Variants in TTC7B observed in about 807,000 individuals in gnomAD.
TTC7B encodes the protein tetratricopeptide repeat domain 7B, also known as tetratricopeptide repeat protein 7B.
A neutral mutation model predicts 106.8 loss-of-function variants in TTC7B; 28 were observed. That is an observed-to-expected ratio of 0.26 (90% CI 0.19 to 0.36). The LOEUF (loss-of-function observed/expected upper bound fraction) is 0.36. Ranked by LOEUF, TTC7B falls within the 10% of genes least tolerant of loss-of-function variation. The probability of loss-of-function intolerance (pLI) is 1.00; values close to 1 mark genes in which losing one functional copy is unlikely to be tolerated. For missense variants in TTC7B, 862 were observed against 1,076.4 expected, an observed-to-expected ratio of 0.80 and a Z score of 2.79; for synonymous variants, 405 against 430.6, an observed-to-expected ratio of 0.94 and a Z score of 0.74.
At chr14:90,766,683 C>T (rs1890691284) in intron 3 of TTC7B, 2 of 1,374,056 alleles carry the variant, frequency 1.5e-6, no homozygotes. Context: ...CAGACATTGA[C>T]TGCACCAAGA....
chr14:90,615,773 C>G (rs556241896), intron 16 of TTC7B, among the ~76,000 whole-genome samples: 26 of 152,280 alleles, frequency 1.7e-4, no homozygotes, highest in African/African-American at 6.3e-4. Flanking sequence ...CAGAGAAAAT[C>G]AAGTTAAAAA....
intron 13 of TTC7B, 75 bp from the exon 14 acceptor site, chr14:90,647,098 C>T: frequency 7.8e-7 from 1 of 1,284,516 alleles, no homozygotes; most frequent in Non-Finnish European, 1.1e-6. Flanking sequence ...CAAGTCTTCT[C>T]CACATTTGCA....
rs917547749 is a variant in TTC7B at position 90,674,936 on chromosome 14, G to A, written c.1152+1587C>T. Among the ~76,000 whole-genome samples, 8 of 152,194 alleles carry A rather than the reference G, an allele frequency of 5.3e-5. No homozygotes were observed. The South Asian group carries it at 6.2e-4, about 12-fold the overall frequency. The stretch of plus-strand genomic sequence containing the variant: ...CATTTGGGAGGCAGGTGACCACCAC[G>A]AGGTGGGAGCTACATATGATATCAA... On this transcript the variant is annotated intron_variant, in intron 9 of 19. Coordinates refer to ENST00000328459, the MANE Select transcript of TTC7B (RefSeq NM_001010854.2).
chr14:90,572,426 A>G (rs1218600570), intron 19 of TTC7B, among the ~76,000 whole-genome samples: 1 of 152,124 alleles, frequency 6.6e-6, no homozygotes, highest in Non-Finnish European at 1.5e-5. Flanking sequence ...TCCCAAACCT[A>G]CCATCAATCT....
chr14:90,555,061 C>T (rs1003520960), intron 19 of TTC7B, among the ~76,000 whole-genome samples: 10 of 152,172 alleles, frequency 6.6e-5, no homozygotes, highest in African/African-American at 9.7e-5. Context: ...GCCAGGTAGA[C>T]GTCAGGTGTC....
chr14:90,754,711 T>A (rs1165774475), intron 3 of TTC7B, among the ~76,000 whole-genome samples: 3 of 152,102 alleles, frequency 2.0e-5, no homozygotes, highest in African/African-American at 7.2e-5. Context: ...AAAAGCCCCA[T>A]CTCTATCAGC....
intron 14 of TTC7B, chr14:90,646,625 A>G: frequency 4.0e-6 from 1 of 252,800 alleles, no homozygotes; most frequent in Non-Finnish European, 7.9e-6. Flanking sequence ...CCTGTTGGCA[A>G]GGGACAGAGG....
intron 13 of TTC7B, among the ~76,000 whole-genome samples, chr14:90,652,488 T>TA (rs11397777): frequency 0.31 from 43,763 of 143,268 alleles, 6,726 homozygotes; most frequent in Admixed American, 0.32. Flanking sequence ...ATGTTTTTTT[T>TA]AAAAAAAAAA....
intron 4 of TTC7B, among the ~76,000 whole-genome samples, chr14:90,732,953 C>T (rs1259740268): frequency 6.6e-6 from 1 of 152,158 alleles, no homozygotes; most frequent in African/African-American, 2.4e-5. Context: ...AGCATCCTTT[C>T]CTATTCCTTC....
intron 15 of TTC7B, among the ~76,000 whole-genome samples, chr14:90,625,951 C>T (rs910900220): frequency 6.6e-6 from 1 of 152,198 alleles, no homozygotes; most frequent in Non-Finnish European, 1.5e-5. Context: ...TACTTTGCTA[C>T]TCAGAGTGTG....
At chr14:90,607,395 T>G (rs1372356947) in intron 17 of TTC7B, among the ~76,000 whole-genome samples, 4 of 152,264 alleles carry the variant, frequency 2.6e-5, no homozygotes, top group Non-Finnish European at 2.9e-5. Context: ...CTGTGCCCTT[T>G]AAAGGGGACT....
chr14:90,711,207 G>GTATAAA (rs1888431295), intron 5 of TTC7B, among the ~76,000 whole-genome samples: 2 of 152,086 alleles, frequency 1.3e-5, no homozygotes, highest in South Asian at 4.1e-4. Context: ...ATAAAAGACT[G>GTATAAA]TATAAATATT....
intron 18 of TTC7B, among the ~76,000 whole-genome samples, chr14:90,592,460 G>A (rs1345907938): frequency 2.6e-4 from 40 of 152,334 alleles, no homozygotes; most frequent in Non-Finnish European, 2.9e-5. Flanking sequence ...TGTAATCCCA[G>A]CAATTTGGGA....
At chr14:90,605,612 G>A (rs1223197145) in intron 17 of TTC7B, 17 of 1,284,492 alleles carry the variant, frequency 1.3e-5, no homozygotes, top group African/African-American at 3.1e-5. Flanking sequence ...GAGGGTTCCC[G>A]GCGGGGACCT....
chr14:90,792,723 G>C (rs1891629877), intron 1 of TTC7B, among the ~76,000 whole-genome samples: 1 of 152,094 alleles, frequency 6.6e-6, no homozygotes, highest in African/African-American at 2.4e-5. Context: ...CACAATACAG[G>C]CTCTAATGAA....
intron 9 of TTC7B, among the ~76,000 whole-genome samples, chr14:90,665,786 A>C (rs920073275): frequency 4.6e-5 from 7 of 152,242 alleles, no homozygotes; most frequent in South Asian, 2.1e-4. Context: ...TATGACATAG[A>C]TCCTTCAGTT....
rs1595233509 is a variant in TTC7B at position 90,639,817 on chromosome 14, C to CA, written c.1751+4230dup. 2.0e-5 allele frequency among the ~76,000 whole-genome samples: 3 copies of CA among 152,126 alleles called. No homozygotes were observed. In the East Asian group the frequency reaches 5.8e-4, roughly 29 times the overall value. On this transcript the variant is annotated intron_variant, in intron 15 of 19. Transcript: ENST00000328459. Reference sequence around the variant, plus strand: ...GTAAGGAAATCTTAGTGCATTTACACAATAAATACTATTCATTCATGCAAA... The same window carrying CA: ...GTAAGGAAATCTTAGTGCATTTACACAAATAAATACTATTCATTCATGCAAA...
At chr14:90,730,682 C>G (rs1166058802) in intron 4 of TTC7B, among the ~76,000 whole-genome samples, 1 of 152,142 alleles carries the variant, frequency 6.6e-6, no homozygotes, top group Non-Finnish European at 1.5e-5. Context: ...CTGGAATCAA[C>G]CAGAAAAAGG....
At chr14:90,762,393 C>A (rs1304816482) in intron 3 of TTC7B, among the ~76,000 whole-genome samples, 1 of 152,256 alleles carries the variant, frequency 6.6e-6, no homozygotes, top group African/African-American at 2.4e-5. Flanking sequence ...AAATACAGAA[C>A]AGAGAAAGGG....
Sources: allele counts gnomAD v4.1 joint callset (sites outside exome capture counted in the v4.1 genomes callset), GRCh38; gene constraint gnomAD v4.1.1; transcripts MANE v1.5; gene names NCBI Gene and HGNC (gene_info 2026-07-23, HGNC 2026-07-21).